CPSF3: variants seen among roughly 807,000 people sequenced by gnomAD.
CPSF3 encodes cleavage and polyadenylation specific factor 3.
CPSF3 carries 57 observed loss-of-function variants against 84.1 expected under a neutral mutation model. That is an observed-to-expected ratio of 0.68 (90% CI 0.55 to 0.85). The LOEUF (loss-of-function observed/expected upper bound fraction) is 0.85, where lower values mean the gene tolerates loss of function less well. Ranked by LOEUF, CPSF3 falls within the 40% of genes least tolerant of loss-of-function variation. CPSF3 has a pLI of 0.00. For missense variants in CPSF3, 522 were observed against 838.8 expected, an observed-to-expected ratio of 0.62 and a Z score of 4.66; for synonymous variants, 275 against 278.1, an observed-to-expected ratio of 0.99 and a Z score of 0.11.
intron 1 of CPSF3, among the ~76,000 whole-genome samples, chr2:9,426,875 CAAAA>C (rs61487619): frequency 1.5e-5 from 2 of 131,232 alleles, no homozygotes; most frequent in African/African-American, 5.7e-5. Flanking sequence ...GACCTTGTCT[CAAAA>C]AAAAAAAAAA....
chr2:9,453,754 G>T (rs34118021), intron 12 of CPSF3, among the ~76,000 whole-genome samples: 42,765 of 151,936 alleles, frequency 0.28, 7,141 homozygotes, highest in Non-Finnish European at 0.38. Context: ...AGCTGTATGT[G>T]GTGGCACGTG....
At chr2:9,449,176 G>A (rs1433897174) in intron 11 of CPSF3, among the ~76,000 whole-genome samples, 1 of 150,984 alleles carries the variant, frequency 6.6e-6, no homozygotes, top group Non-Finnish European at 1.5e-5. Flanking sequence ...GTCAGGAGTT[G>A]GAGACCAACC....
At chr2:9,467,964 G>A (rs1052956505) in intron 16 of CPSF3, 188 bp downstream of exon 16, 1 of 507,876 alleles carries the variant, frequency 2.0e-6, no homozygotes, top group African/African-American at 1.9e-5. Flanking sequence ...GCACTCACCT[G>A]TGACCTGCTA....
rs560196237 is a variant in CPSF3, at chr2:9,447,824, G to A, written c.1243-374G>A. On this transcript the variant is annotated intron_variant, in intron 10 of 17. Transcript: ENST00000238112. ...CCATGGGTGTTTTCTAAGACAGTAG[G>A]GTAGCAATAGTTTTGTACAAGAGTC... Among the ~76,000 whole-genome samples the A allele has an allele frequency of 1.1e-4, 16 of 152,134 alleles. 1 individual carries two copies. In the Middle Eastern group the frequency reaches 0.014, roughly 130 times the overall value.
At chr2:9,442,455 C>G (rs1398334875) in intron 9 of CPSF3, among the ~76,000 whole-genome samples, 1 of 152,210 alleles carries the variant, frequency 6.6e-6, no homozygotes, top group Non-Finnish European at 1.5e-5. Flanking sequence ...GCATCACATT[C>G]TCATCCTCTA....
intron 3 of CPSF3, 77 bp from the exon 4 acceptor site, chr2:9,430,675 C>T: frequency 1.4e-6 from 2 of 1,382,662 alleles, no homozygotes; most frequent in African/African-American, 1.5e-5. Context: ...TTGTTTTGTA[C>T]AGTAAGCAAC....
chr2:9,473,070 C>G lies in CPSF3; in HGVS notation c.*53C>G. On this transcript the variant is annotated 3_prime_UTR_variant, in exon 18 of 18. Transcript: ENST00000238112. The stretch of plus-strand genomic sequence containing the variant: ...AAATACTTGACTCTACTTTTGTTAC[C>G]TAAAATAAAATGCATTCGTTTCTCT... 7.6e-7 allele frequency: 1 copy of G among 1,320,880 alleles called. No homozygotes were observed. Among genetic ancestry groups the G allele is most frequent in the East Asian group, 2.3e-5 (1 of 42,762 alleles). The allele number at this position is 1,320,880 out of a possible 1,614,324, so 81.8% of individuals were successfully genotyped here.
intron 1 of CPSF3, among the ~76,000 whole-genome samples, chr2:9,425,712 T>C (rs1680366408): frequency 6.6e-6 from 1 of 151,904 alleles, no homozygotes; most frequent in Non-Finnish European, 1.5e-5. Context: ...AATTTGGGAA[T>C]TTGGTTGTTT....
chr2:9,442,056 G>C, intron 9 of CPSF3, 80 bp downstream of exon 9: 2 of 1,400,086 alleles, frequency 1.4e-6, no homozygotes, highest in Non-Finnish European at 9.9e-7. Flanking sequence ...TTTTTGCACT[G>C]AAGTAGTTCT....
At chr2:9,444,140 TTATA>T (rs377440396) in intron 10 of CPSF3, among the ~76,000 whole-genome samples, 59 of 129,864 alleles carry the variant, frequency 4.5e-4, no homozygotes, top group African/African-American at 1.2e-3. Context: ...AATATATATA[TTATA>T]TATATATATA....
chr2:9,438,136 C>T (rs919028776), intron 7 of CPSF3, among the ~76,000 whole-genome samples: 27 of 152,228 alleles, frequency 1.8e-4, no homozygotes, highest in African/African-American at 6.5e-4. Context: ...GTATCCCTGT[C>T]ACACTGAAAA....
chr2:9,427,055 A>G (rs1680419846), intron 1 of CPSF3, among the ~76,000 whole-genome samples: 1 of 152,156 alleles, frequency 6.6e-6, no homozygotes, highest in African/African-American at 2.4e-5. Context: ...AGGAGCTTAG[A>G]GTCAAGGGAT....
chr2:9,455,770 A>C lies in CPSF3; in HGVS notation c.1603+13A>C. 1.9e-6 allele frequency: 3 copies of C among 1,547,304 alleles called. No individual in the cohort carries two copies. The highest frequency in any genetic ancestry group is 2.7e-6 in the Non-Finnish European group (3 of 1,126,142). ...CAGAAATTGACAGGTGTGTGTGTGT[A>C]CTGAAATTCATTTCATTGTTTTCTG... On this transcript the variant is annotated intron_variant, in intron 13 of 17. Coordinates refer to ENST00000238112, the MANE Select transcript of CPSF3 (RefSeq NM_016207.4).
chr2:9,442,952 C>G (rs1681005669), intron 9 of CPSF3, among the ~76,000 whole-genome samples: 1 of 152,164 alleles, frequency 6.6e-6, no homozygotes, highest in South Asian at 2.1e-4. Context: ...CACTTGAGCT[C>G]AGGAGTTGGG....
chr2:9,453,162 T>C, intron 12 of CPSF3, 141 bp downstream of exon 12: 1 of 559,170 alleles, frequency 1.8e-6, no homozygotes, highest in South Asian at 2.8e-5. Flanking sequence ...GCTAATTAGC[T>C]TTGTGGGGAG....
intron 15 of CPSF3, among the ~76,000 whole-genome samples, chr2:9,466,290 A>G (rs1231336323): frequency 5.1e-5 from 7 of 137,356 alleles, no homozygotes; most frequent in Non-Finnish European, 8.2e-5. Flanking sequence ...ACGTGCGCAC[A>G]CAGACGCATG....
At chr2:9,472,085 G>C (rs1682189587) in intron 17 of CPSF3, among the ~76,000 whole-genome samples, 1 of 151,206 alleles carries the variant, frequency 6.6e-6, no homozygotes, top group Non-Finnish European at 1.5e-5. Flanking sequence ...AGGTCAAGGT[G>C]GGTGGATCAT....
intron 8 of CPSF3, 103 bp downstream of exon 8, chr2:9,440,769 A>T: frequency 8.6e-7 from 1 of 1,167,818 alleles, no homozygotes; most frequent in Non-Finnish European, 1.2e-6. Flanking sequence ...GTAATTTAGC[A>T]CTTTGGGAGT....
chr2:9,466,334 G>GCA (rs1379299707), intron 15 of CPSF3, among the ~76,000 whole-genome samples: 6 of 48,324 alleles, frequency 1.2e-4, no homozygotes, highest in East Asian at 9.4e-4. Context: ...ACAGACGCAC[G>GCA]CACACACGCG....
Sources: allele counts gnomAD v4.1 joint callset (sites outside exome capture counted in the v4.1 genomes callset), GRCh38; gene constraint gnomAD v4.1.1; transcripts MANE v1.5; gene names NCBI Gene and HGNC (gene_info 2026-07-23, HGNC 2026-07-21).